SPAG5: variants seen among roughly 807,000 people sequenced by gnomAD.
SPAG5 encodes sperm associated antigen 5, also known as sperm-associated antigen 5.
Under a neutral mutation model 145.4 loss-of-function variants are expected in SPAG5, and 99 were observed. The observed-to-expected ratio is 0.68, with a 90% CI of 0.58 to 0.80. The LOEUF is 0.80. SPAG5 is among the 30% of genes least tolerant of loss of function. The pLI, the probability that SPAG5 is intolerant of heterozygous loss-of-function variation, is 0.00. For synonymous variants in SPAG5, 477 were observed against 525.4 expected (o/e 0.91, Z 1.26); for missense variants, 1,192 against 1,416.0 (o/e 0.84, Z 2.54).
intron 17 of SPAG5, 60 bp from the exon 18 acceptor site, chr17:28,579,545 T>G (rs1332624473): frequency 3.2e-6 from 5 of 1,572,966 alleles, no homozygotes; most frequent in African/African-American, 1.4e-5. Context: ...AAGGAGTGTA[T>G]AGCCATCATT....
chr17:28,586,888 C>G (rs1466433379), intron 4 of SPAG5, among the ~76,000 whole-genome samples: 1 of 152,168 alleles, frequency 6.6e-6, no homozygotes. Context: ...TTCCTCCCAC[C>G]CAGTGAGTTA....
intron 4 of SPAG5, among the ~76,000 whole-genome samples, chr17:28,590,569 T>A (rs2070613257): frequency 1.3e-5 from 2 of 151,992 alleles, no homozygotes; most frequent in African/African-American, 2.4e-5. Flanking sequence ...CTGAGAAATC[T>A]TCTTCACATA....
intron 4 of SPAG5, among the ~76,000 whole-genome samples, chr17:28,590,602 G>A (rs1016771363): frequency 6.6e-5 from 10 of 152,046 alleles, no homozygotes; most frequent in Non-Finnish European, 1.5e-4. Flanking sequence ...CAGGCGCAGT[G>A]GCTCACGCCT....
At chr17:28,586,297 T>G in intron 5 of SPAG5, 115 bp from the exon 6 acceptor site, 1 of 1,220,380 alleles carries the variant, frequency 8.2e-7, no homozygotes, top group Non-Finnish European at 1.2e-6. Context: ...GGAGATGTAC[T>G]TTACAAATGT....
intron 22 of SPAG5, 35 bp from the exon 23 acceptor site, chr17:28,578,125 T>G (rs748320663): frequency 1.2e-6 from 2 of 1,611,504 alleles, no homozygotes; most frequent in South Asian, 2.2e-5. Flanking sequence ...GTCCTATGCA[T>G]AAAAGAGCAA....
At chr17:28,582,674 T>C (rs1351448408) in intron 15 of SPAG5, 3 of 152,336 alleles carry the variant, frequency 2.0e-5, no homozygotes, top group East Asian at 3.9e-4. Flanking sequence ...TCATAAGCAA[T>C]TGCCAGATTT....
At position 28,585,191 on chromosome 17, in the gene SPAG5, T is replaced by C. The variant is rs1466121585; in HGVS notation, c.1978A>G (p.Ser660Gly). The C allele has an allele frequency of 1.2e-6, 2 of 1,614,214 alleles. No homozygotes were observed. Among genetic ancestry groups the C allele is most frequent in the East Asian group, 2.2e-5 (1 of 44,884 alleles). ...TTCTCTGTGAGTTGTCGGGACCGAC[T>C]CAGCAAAGCTGTCCATGTTGTATAC... The part of the protein sequence containing the change: ...LDYTTWTALL[S>G]RSRQLTEKLT... The change falls in exon 10 of 24, where the codon AGT becomes GGT. Residue 660 changes from serine to glycine, a missense_variant. Physicochemically the swap from Ser to Gly is moderately conservative, Grantham distance 56 (BLOSUM62 0). Coordinates refer to ENST00000321765, the MANE Select transcript of SPAG5 (RefSeq NM_006461.4).
In SPAG5 at chr17:28,598,660, G is replaced by A. The variant is rs573447662; in HGVS notation, c.52-25C>T. The A allele has an allele frequency of 1.1e-5, 17 of 1,577,366 alleles. No individual in the cohort carries two copies. The Admixed American group carries it at 2.1e-4, about 20-fold the overall frequency. On this transcript the variant is annotated intron_variant, in intron 1 of 23. Transcript: ENST00000321765. Reference sequence around the variant, plus strand: ...CCTGAGAAAGAAACCAAGAAAGAGGGCGAGTGTGAGGAAGCCTGGGTTCTG... The same window carrying A: ...CCTGAGAAAGAAACCAAGAAAGAGGACGAGTGTGAGGAAGCCTGGGTTCTG...
At chr17:28,578,622 G>A (rs1218490525) in intron 20 of SPAG5, 50 bp downstream of exon 20, 1 of 1,609,150 alleles carries the variant, frequency 6.2e-7, no homozygotes. Flanking sequence ...TGGGATCCTG[G>A]CTGACCAGTA....
At chr17:28,583,820 T>G (rs201435477) in intron 14 of SPAG5, 33 bp downstream of exon 14, 8 of 1,592,618 alleles carry the variant, frequency 5.0e-6, no homozygotes, top group Non-Finnish European at 6.9e-6. Flanking sequence ...AAATAAGCAC[T>G]TAGGGGGAAG....
chr17:28,591,557 G>T, intron 4 of SPAG5, 141 bp downstream of exon 4: 1 of 809,282 alleles, frequency 1.2e-6, no homozygotes, highest in South Asian at 1.9e-5. Flanking sequence ...CAGCCATTGT[G>T]ACTGCCCAGA....
rs1432677241 is a variant in SPAG5, at chr17:28,585,560, G to A, written c.1834C>T (p.Leu612Phe). ...DLASMREFRG[L>F]LKDAQTQLVG... ...AGTTGGGTCTGGGCATCCTTCAGAA[G>A]GCCTCTGAATTCCCGCATGGATGCT... The change falls in exon 8 of 24, where the codon CTT (leucine) becomes TTT (phenylalanine). Residue 612 changes from leucine (L) to phenylalanine (F), a missense_variant. By Grantham distance (22) the Leu-to-Phe change is conservative (BLOSUM62 0). Around this residue, in one of 5 missense-constraint regions of SPAG5, gnomAD observed 709 missense variants for 840.7 expected, o/e 0.84. Coordinates refer to ENST00000321765, the MANE Select transcript of SPAG5 (RefSeq NM_006461.4). 3.1e-6 allele frequency: 5 copies of A among 1,614,104 alleles called. No individual in the cohort carries two copies. In the African/African-American group the frequency reaches 6.7e-5, roughly 22 times the overall value.
At chr17:28,581,332 G>A (rs1019412223) in intron 15 of SPAG5, among the ~76,000 whole-genome samples, 1 of 152,106 alleles carries the variant, frequency 6.6e-6, no homozygotes, top group South Asian at 2.1e-4. Context: ...AACTGGCTGC[G>A]CACAGGTAAG....
intron 2 of SPAG5, among the ~76,000 whole-genome samples, chr17:28,596,825 G>C (rs1345063312): frequency 2.6e-5 from 4 of 152,144 alleles, no homozygotes; most frequent in African/African-American, 9.7e-5. Flanking sequence ...AAAAATTCAG[G>C]CCGGGCACAG....
intron 5 of SPAG5, 102 bp from the exon 6 acceptor site, chr17:28,586,284 T>G (rs1360364122): frequency 2.5e-6 from 3 of 1,221,238 alleles, no homozygotes; most frequent in South Asian, 1.2e-5. Flanking sequence ...AAGCTCCGCA[T>G]AAGGAGATGT....
rs201338229 is a variant in SPAG5 at position 28,591,786 on chromosome 17, C to T, written c.1349G>A (p.Arg450His). The T allele has an allele frequency of 1.8e-5, 29 of 1,613,914 alleles. No individual in the cohort carries two copies. The African/African-American group carries it at 1.9e-4, about 10-fold the overall frequency. Residue 450 changes from arginine to histidine, a missense_variant, in exon 4 of 24, where the codon CGC (arginine) becomes CAC (histidine). Arg to His is a conservative substitution (Grantham distance 29, BLOSUM62 0). This residue lies in a region of SPAG5 where 125 missense variants were observed against 143.8 expected (regional missense o/e 0.87). Transcript: ENST00000321765. ...SSLVILEVLS[R>H]QLRDWKSQLA... ...CTGGCTCTTCCAGTCCCGAAGCTGGCGGGAGAGAACCTCCAGAATGACAAG... is the reference window on the plus strand; with the variant it reads ...CTGGCTCTTCCAGTCCCGAAGCTGGTGGGAGAGAACCTCCAGAATGACAAG...
intron 4 of SPAG5, among the ~76,000 whole-genome samples, chr17:28,591,048 T>C (rs937445620): frequency 6.6e-6 from 1 of 152,072 alleles, no homozygotes; most frequent in Non-Finnish European, 1.5e-5. Flanking sequence ...TTTACCTAAC[T>C]CTGTAACCAC....
chr17:28,597,173 T>C (rs868188477), intron 2 of SPAG5, among the ~76,000 whole-genome samples: 3 of 152,098 alleles, frequency 2.0e-5, no homozygotes, highest in East Asian at 1.9e-4. Context: ...TCCCAGCACT[T>C]TGGGAGGCCG....
At chr17:28,584,954 G>T (rs1280825788) in intron 10 of SPAG5, 148 bp downstream of exon 10, 9 of 796,634 alleles carry the variant, frequency 1.1e-5, no homozygotes, top group Non-Finnish European at 1.9e-5. Flanking sequence ...AAAAAACTGC[G>T]CTTAAGGCCA....
Sources: allele counts gnomAD v4.1 joint callset (sites outside exome capture counted in the v4.1 genomes callset), GRCh38; gene constraint gnomAD v4.1.1; regional missense constraint gnomAD v4.1.1; transcripts MANE v1.5; gene names NCBI Gene and HGNC (gene_info 2026-07-23, HGNC 2026-07-21).